GCM1: variants seen among roughly 807,000 people sequenced by gnomAD.
The protein encoded by GCM1 is GCM transcription factor 1.
In GCM1, 2 loss-of-function variants were observed where a neutral mutation model predicts 25.7. That is an observed-to-expected ratio of 0.08 (90% CI 0.03 to 0.24). GCM1 has a LOEUF of 0.24. Ranked by LOEUF, GCM1 falls within the 10% of genes least tolerant of loss-of-function variation. The pLI is 1.00. For synonymous variants in GCM1, 183 were observed against 195.7 expected, an observed-to-expected ratio of 0.94 and a Z score of 0.54; for missense variants, 395 against 538.7, an observed-to-expected ratio of 0.73 and a Z score of 2.64.
Position 53,145,662 on chromosome 6 carries a change from C to G in GCM1, c.-30G>C. On this transcript the variant is annotated 5_prime_UTR_variant, in exon 2 of 6. Transcript: ENST00000259803. The stretch of plus-strand genomic sequence containing the variant: ...AGGTCAGGCCAGCCAAGGTTTTCAC[C>G]TATTCGACTCCCCTCAGAAATGCTT... The G allele has an allele frequency of 8.1e-7, 1 of 1,236,132 alleles. No homozygotes were observed. Among genetic ancestry groups the G allele is most frequent in the Non-Finnish European group, 1.2e-6 (1 of 837,416 alleles). The allele number at this position is 1,236,132 out of a possible 1,614,324, so 76.6% of individuals were successfully genotyped here. A position where few individuals can be genotyped will look rare whatever the true frequency, so the allele number is the denominator to read the frequency against.
chr6:53,142,040 A>T (rs1299881861), intron 2 of GCM1, among the ~76,000 whole-genome samples: 3 of 122,118 alleles, frequency 2.5e-5, no homozygotes, highest in African/African-American at 6.8e-5. Flanking sequence ...AAAAAAAAAA[A>T]ACAGAAAGAA....
At chr6:53,135,690 T>A (rs755266348) in intron 2 of GCM1, among the ~76,000 whole-genome samples, 4 of 152,198 alleles carry the variant, frequency 2.6e-5, no homozygotes, top group Non-Finnish European at 4.4e-5. Context: ...ACATTTTTCA[T>A]CTAGACGGTT....
chr6:53,137,654 T>G (rs576945735), intron 2 of GCM1, among the ~76,000 whole-genome samples: 8 of 152,016 alleles, frequency 5.3e-5, no homozygotes, highest in Non-Finnish European at 1.0e-4. Flanking sequence ...AAAATTTGAG[T>G]GTACTTTCCT....
At position 53,145,697 on chromosome 6, in the gene GCM1, G is replaced by A; in HGVS notation, c.-65C>T. The A allele has an allele frequency of 2.2e-6, 2 of 891,368 alleles. No individual in the cohort carries two copies. Among genetic ancestry groups the A allele is most frequent in the Admixed American group, 1.9e-5 (1 of 53,492 alleles). The allele number at this position is 891,368 out of a possible 1,614,324, so 55.2% of individuals were successfully genotyped here. On this transcript the variant is annotated 5_prime_UTR_variant, in exon 2 of 6. Transcript: ENST00000259803. The stretch of plus-strand genomic sequence containing the variant: ...CCCCTCAGAAATGCTTGAGAATTTT[G>A]TTCTCAAAGGTTCTTGATATAGCTG...
At chr6:53,132,709 C>A (rs1283713216) in intron 3 of GCM1, among the ~76,000 whole-genome samples, 2 of 151,996 alleles carry the variant, frequency 1.3e-5, no homozygotes, top group Non-Finnish European at 2.9e-5. Context: ...GAAAGTCTGT[C>A]TCAAAAATAA....
At chr6:53,131,138 T>TAA (rs1338748268) in intron 4 of GCM1, among the ~76,000 whole-genome samples, 1 of 152,208 alleles carries the variant, frequency 6.6e-6, no homozygotes, top group Non-Finnish European at 1.5e-5. Flanking sequence ...AGCAAAGCCA[T>TAA]AATCACAGTG....
chr6:53,146,228 T>A (rs1451717287), intron 1 of GCM1, among the ~76,000 whole-genome samples: 1 of 90,118 alleles, frequency 1.1e-5, no homozygotes, highest in African/African-American at 6.0e-5. Context: ...TTTTTTTTTT[T>A]TTTTTTTTTG....
At chr6:53,133,923 C>T (rs367579985) in intron 3 of GCM1, 149 bp downstream of exon 3, 1 of 758,754 alleles carries the variant, frequency 1.3e-6, no homozygotes, top group South Asian at 1.7e-5. Flanking sequence ...GGTTCCGCTC[C>T]ATATGCTCCA....
chr6:53,128,793 A>T lies in GCM1; in HGVS notation c.724T>A (p.Tyr242Asn), dbSNP rs1380536890. 1 of 1,613,102 alleles carries T rather than the reference A, an allele frequency of 6.2e-7. No individual in the cohort carries two copies. Among genetic ancestry groups the T allele is most frequent in the Admixed American group, 1.7e-5 (1 of 59,994 alleles). The change falls in exon 6 of 6, where the codon TAT (tyrosine) becomes AAT (asparagine). Residue 242 changes from tyrosine to asparagine, a missense_variant. Physicochemically the swap from Tyr to Asn is moderately radical, Grantham distance 143. This residue lies in a region of GCM1 where 291 missense variants were observed against 314.6 expected (regional missense o/e 0.92). Transcript: ENST00000259803. ...LNDCFSFSKS[Y>N]GLGGITDLTD... is the part of the protein sequence containing the mutation. Reference sequence around the variant, plus strand: ...AGATCTGTGATTCCTCCCAGACCATAACTCTTGGAGAAGGAAAAGCAATCA... The same window carrying T: ...AGATCTGTGATTCCTCCCAGACCATTACTCTTGGAGAAGGAAAAGCAATCA...
intron 2 of GCM1, among the ~76,000 whole-genome samples, chr6:53,140,082 G>T (rs1343559906): frequency 7.9e-5 from 12 of 152,086 alleles, no homozygotes; most frequent in African/African-American, 2.9e-4. Context: ...AGTGGCAGAA[G>T]AATTCTGGTC....
intron 1 of GCM1, among the ~76,000 whole-genome samples, chr6:53,148,517 A>G (rs547303293): frequency 2.0e-5 from 3 of 152,370 alleles, no homozygotes; most frequent in African/African-American, 7.2e-5. Context: ...AGAACAAAAC[A>G]TAGAAAAGAA....
chr6:53,148,490 T>C (rs998194184), intron 1 of GCM1, among the ~76,000 whole-genome samples: 5 of 152,218 alleles, frequency 3.3e-5, no homozygotes, highest in Admixed American at 6.5e-5. Context: ...ATTAATTTAA[T>C]ATTTCCCTAA....
At chr6:53,142,986 T>C (rs1425898455) in intron 2 of GCM1, among the ~76,000 whole-genome samples, 1 of 151,278 alleles carries the variant, frequency 6.6e-6, no homozygotes, top group Non-Finnish European at 1.5e-5. Flanking sequence ...TCTCTGGATA[T>C]GCTCACACAA....
intron 2 of GCM1, among the ~76,000 whole-genome samples, chr6:53,135,994 CT>C (rs1439960696): frequency 6.6e-6 from 1 of 152,222 alleles, no homozygotes; most frequent in East Asian, 1.9e-4. Flanking sequence ...CACAAAAGTG[CT>C]GTGAAGAGCA....
Position 53,148,625 on chromosome 6 carries a change from G to A in GCM1, c.-137+129C>T, listed in dbSNP as rs569277399. ...GACTCCTTTTTTTAAAGCAACTTGC[G>A]CAAAGTATATTCAATTTTCATCATT... is the stretch of plus-strand genomic sequence containing the variant. On this transcript the variant is annotated intron_variant, in intron 1 of 5. Coordinates refer to ENST00000259803, the MANE Select transcript of GCM1 (RefSeq NM_003643.4). 1.0e-3 allele frequency: 154 copies of A among 152,204 alleles called. 1 individual carries two copies. The highest frequency in any genetic ancestry group is 3.5e-3 in the African/African-American group (147 of 41,516). 9.4% of individuals were successfully genotyped at this position (152,204 alleles called of 1,614,324 possible).
chr6:53,140,392 T>A (rs1191671636), intron 2 of GCM1, among the ~76,000 whole-genome samples: 1 of 152,096 alleles, frequency 6.6e-6, no homozygotes, highest in Non-Finnish European at 1.5e-5. Context: ...TCATGTTTGA[T>A]CACAATTTGG....
chr6:53,134,440 C>G (rs1457529292), intron 2 of GCM1, 116 bp from the exon 3 acceptor site: 2 of 973,734 alleles, frequency 2.1e-6, no homozygotes, highest in Non-Finnish European at 3.1e-6. Flanking sequence ...GGCAAGAGAC[C>G]TTTGGCAAAA....
intron 2 of GCM1, among the ~76,000 whole-genome samples, chr6:53,137,918 A>C (rs1163213826): frequency 6.6e-6 from 1 of 152,148 alleles, no homozygotes; most frequent in African/African-American, 2.4e-5. Flanking sequence ...GGAAGAGATG[A>C]TCTTTATCAT....
intron 1 of GCM1, among the ~76,000 whole-genome samples, chr6:53,146,903 G>T (rs1393677238): frequency 6.6e-6 from 1 of 152,074 alleles, no homozygotes; most frequent in Non-Finnish European, 1.5e-5. Flanking sequence ...GCATGGTGGT[G>T]CACACCTGTA....
Sources: gnomAD v4.1 joint callset for allele counts (sites outside exome capture counted in the v4.1 genomes callset) on GRCh38, gnomAD v4.1.1 for gene constraint, gnomAD v4.1.1 regional missense constraint, MANE v1.5 for transcripts, NCBI Gene and HGNC (gene_info 2026-07-23, HGNC 2026-07-21) for gene names.